Variants in NKAIN3 observed in about 807,000 individuals in gnomAD.
NKAIN3 encodes the protein sodium/potassium-transporting ATPase subunit beta-1-interacting protein 3.
NKAIN3 carries 25 observed loss-of-function variants against 30.2 expected under a neutral mutation model. The observed-to-expected ratio is 0.83, with a 90% CI of 0.60 to 1.16. The LOEUF is 1.16. Among genes scored for constraint, NKAIN3 ranks in the 50% most tolerant of loss-of-function variants. The probability of loss-of-function intolerance (pLI) is 0.00; values close to 1 mark genes in which losing one functional copy is unlikely to be tolerated. For missense variants in NKAIN3, 225 were observed against 254.1 expected (o/e 0.89, Z 0.78); for synonymous variants, 91 against 89.6 (o/e 1.02, Z -0.09).
intron 3 of NKAIN3, among the ~76,000 whole-genome samples, chr8:62,701,905 C>T (rs1368413191): frequency 6.6e-6 from 1 of 152,166 alleles, no homozygotes; most frequent in Admixed American, 6.5e-5. Flanking sequence ...CACCTACGCT[C>T]CACTTAACCC....
intron 1 of NKAIN3, among the ~76,000 whole-genome samples, chr8:62,273,499 T>C (rs897789037): frequency 6.6e-6 from 1 of 152,176 alleles, no homozygotes; most frequent in African/African-American, 2.4e-5. Context: ...TTTTGGTTAC[T>C]GTAATGATAA....
intron 1 of NKAIN3, among the ~76,000 whole-genome samples, chr8:62,481,217 C>G (rs1563418085): frequency 6.6e-6 from 1 of 151,682 alleles, no homozygotes; most frequent in Non-Finnish European, 1.5e-5. Context: ...TGCATCATTC[C>G]TCATCTCATA....
chr8:62,294,695 G>GC (rs200047591), intron 1 of NKAIN3, among the ~76,000 whole-genome samples: 9,442 of 151,964 alleles, frequency 0.062, 975 homozygotes, highest in African/African-American at 0.21. Flanking sequence ...GTGTCACCAT[G>GC]CTGGTAAATT....
At chr8:62,894,559 T>G (rs1017370916) in intron 4 of NKAIN3, among the ~76,000 whole-genome samples, 1 of 152,156 alleles carries the variant, frequency 6.6e-6, no homozygotes, top group Non-Finnish European at 1.5e-5. Flanking sequence ...AAATTTAAAT[T>G]TTCCTCCCAG....
At chr8:62,803,870 G>C (rs1293564129) in intron 4 of NKAIN3, among the ~76,000 whole-genome samples, 3 of 151,954 alleles carry the variant, frequency 2.0e-5, no homozygotes, top group Non-Finnish European at 2.9e-5. Context: ...CTGCTAGCAA[G>C]ACTAATAAAG....
chr8:62,703,253 A>T (rs1464418674), intron 3 of NKAIN3, among the ~76,000 whole-genome samples: 1 of 152,162 alleles, frequency 6.6e-6, no homozygotes, highest in Non-Finnish European at 1.5e-5. Context: ...TAATCTTATG[A>T]TATTCACTGT....
At chr8:62,789,399 G>A (rs1205384133) in intron 4 of NKAIN3, among the ~76,000 whole-genome samples, 2 of 152,132 alleles carry the variant, frequency 1.3e-5, no homozygotes, top group Admixed American at 6.6e-5. Context: ...CTGAAACTTT[G>A]CTGAAGTTGC....
intron 4 of NKAIN3, among the ~76,000 whole-genome samples, chr8:62,799,254 G>C (rs1461837875): frequency 6.6e-6 from 1 of 152,118 alleles, no homozygotes; most frequent in East Asian, 1.9e-4. Context: ...AGAGTTAACA[G>C]ACAACCCACA....
chr8:62,692,217 A>T (rs922330337), intron 3 of NKAIN3, among the ~76,000 whole-genome samples: 9 of 152,194 alleles, frequency 5.9e-5, no homozygotes, highest in Non-Finnish European at 8.8e-5. Flanking sequence ...AGCTGGAGAA[A>T]TGCACTCAGC....
intron 4 of NKAIN3, among the ~76,000 whole-genome samples, chr8:62,817,485 C>T (rs1379400582): frequency 6.6e-6 from 1 of 152,124 alleles, no homozygotes; most frequent in Non-Finnish European, 1.5e-5. Context: ...CCAGTATCCA[C>T]CCACCTTCAC....
rs947820885 is a variant in NKAIN3, at chr8:62,397,519, C to G, written c.54+148392C>G. 2.0e-5 allele frequency among the ~76,000 whole-genome samples: 3 copies of G among 152,064 alleles called. No homozygotes were observed. The East Asian group carries it at 5.8e-4, about 29-fold the overall frequency. ...GGAGGACAATTGAAATAGAGGTTGCCTCTAATTGCTCAGAATCAGAAACCA... is the reference window on the plus strand; with the variant it reads ...GGAGGACAATTGAAATAGAGGTTGCGTCTAATTGCTCAGAATCAGAAACCA... On this transcript the variant is annotated intron_variant, in intron 1 of 6. Coordinates refer to ENST00000623646, the MANE Select transcript of NKAIN3 (RefSeq NM_001304533.3).
chr8:62,588,737 T>C (rs1257268890), intron 2 of NKAIN3, among the ~76,000 whole-genome samples: 28 of 151,888 alleles, frequency 1.8e-4, no homozygotes, highest in Admixed American at 1.8e-3. Flanking sequence ...AAACAATAAT[T>C]AAATTAATAA....
At chr8:62,878,524 A>T (rs761663307) in intron 4 of NKAIN3, among the ~76,000 whole-genome samples, 1 of 151,808 alleles carries the variant, frequency 6.6e-6, no homozygotes, top group Non-Finnish European at 1.5e-5. Context: ...TATTATTATT[A>T]TTATTATACT....
chr8:62,328,558 A>G (rs1815224316), intron 1 of NKAIN3, among the ~76,000 whole-genome samples: 1 of 152,072 alleles, frequency 6.6e-6, no homozygotes, highest in Non-Finnish European at 1.5e-5. Context: ...AGACAGAACC[A>G]TATGCCACTA....
intron 4 of NKAIN3, among the ~76,000 whole-genome samples, chr8:62,806,368 G>A (rs1170327629): frequency 1.3e-5 from 2 of 152,106 alleles, no homozygotes. Context: ...TGTTTATTGT[G>A]GCACTATTCA....
chr8:62,638,799 A>G (rs16929324), intron 3 of NKAIN3, among the ~76,000 whole-genome samples: 7,374 of 152,214 alleles, frequency 0.048, 318 homozygotes, highest in African/African-American at 0.11. Flanking sequence ...CTCAGTCACC[A>G]GTATTCTGTA....
intron 1 of NKAIN3, among the ~76,000 whole-genome samples, chr8:62,480,796 G>T (rs947720943): frequency 1.1e-4 from 16 of 152,118 alleles, no homozygotes; most frequent in African/African-American, 3.6e-4. Context: ...ATGATGAGCA[G>T]TAGGTCCCAC....
intron 1 of NKAIN3, among the ~76,000 whole-genome samples, chr8:62,291,129 T>A (rs1209562838): frequency 1.3e-5 from 2 of 152,162 alleles, no homozygotes; most frequent in African/African-American, 4.8e-5. Flanking sequence ...TCTTCTCTCT[T>A]TTCTTCTTTA....
chr8:62,867,355 A>ATT (rs2130795913), intron 4 of NKAIN3, among the ~76,000 whole-genome samples: 1 of 152,332 alleles, frequency 6.6e-6, no homozygotes, highest in African/African-American at 2.4e-5. Context: ...TAAGGATTGA[A>ATT]TGAGATCATG....
Sources: allele counts gnomAD v4.1 joint callset (sites outside exome capture counted in the v4.1 genomes callset), GRCh38; gene constraint gnomAD v4.1.1; transcripts MANE v1.5; gene names NCBI Gene and HGNC (gene_info 2026-07-23, HGNC 2026-07-21).